Variants in FER1L6 observed in about 807,000 individuals in gnomAD.
FER1L6 encodes fer-1-like protein 6.
FER1L6 carries 177 observed loss-of-function variants against 219.2 expected under a neutral mutation model. That is an observed-to-expected ratio of 0.81 (90% CI 0.71 to 0.91). The LOEUF (loss-of-function observed/expected upper bound fraction) is 0.91. Among genes scored for constraint, FER1L6 ranks in the 40% least tolerant of loss-of-function variants. FER1L6 has a pLI of 0.00. For synonymous variants in FER1L6, 768 were observed against 824.3 expected, an observed-to-expected ratio of 0.93 and a Z score of 1.17; for missense variants, 2,153 against 2,259.9, an observed-to-expected ratio of 0.95 and a Z score of 0.96.
At chr8:123,966,895 C>T (rs1434424714) in intron 5 of FER1L6, among the ~76,000 whole-genome samples, 1 of 152,074 alleles carries the variant, frequency 6.6e-6, no homozygotes, top group African/African-American at 2.4e-5. Flanking sequence ...TCCTGGCTAA[C>T]ATGGTGAAAC....
At chr8:124,025,266 A>G (rs190000665) in intron 18 of FER1L6, among the ~76,000 whole-genome samples, 1 of 152,052 alleles carries the variant, frequency 6.6e-6, no homozygotes, top group East Asian at 1.9e-4. Flanking sequence ...CTTTGCCAGA[A>G]GAGTTTTTTT....
At chr8:123,867,399 A>G (rs1261182055) in intron 1 of FER1L6, among the ~76,000 whole-genome samples, 5 of 152,178 alleles carry the variant, frequency 3.3e-5, no homozygotes, top group Admixed American at 6.5e-5. Context: ...CTATGGCCAC[A>G]TATTTTAACC....
At chr8:124,002,525 A>G (rs985540406) in intron 12 of FER1L6, among the ~76,000 whole-genome samples, 3 of 152,228 alleles carry the variant, frequency 2.0e-5, no homozygotes, top group Non-Finnish European at 4.4e-5. Context: ...AATCTTTTAA[A>G]GCATTTGAAA....
Position 123,980,584 on chromosome 8 carries a change from G to A in FER1L6, c.1183G>A (p.Gly395Ser), listed in dbSNP as rs1340145911. Residue 395 changes from glycine to serine, a missense_variant, in exon 11 of 41, where the codon GGC (glycine) becomes AGC (serine). By Grantham distance (56) the Gly-to-Ser change is moderately conservative. Transcript: ENST00000522917. ...EGFGEGVSFRGRILVEIAVEI... is the reference protein window; with the variant it reads ...EGFGEGVSFRSRILVEIAVEI... ...CTTTGGGGAAGGTGTGTCATTCAGGGGCAGAATCTTGGTAGAAATTGCTGT... is the reference window on the plus strand; with the variant it reads ...CTTTGGGGAAGGTGTGTCATTCAGGAGCAGAATCTTGGTAGAAATTGCTGT... 6.2e-7 allele frequency: 1 copy of A among 1,613,994 alleles called. No homozygotes were observed. The highest frequency in any genetic ancestry group is 8.5e-7 in the Non-Finnish European group (1 of 1,180,012).
intron 1 of FER1L6, among the ~76,000 whole-genome samples, chr8:123,859,929 C>T (rs1231073274): frequency 4.1e-5 from 6 of 146,678 alleles, no homozygotes; most frequent in African/African-American, 1.5e-4. Context: ...ATATGTGCCA[C>T]ATTTTATTTA....
chr8:123,856,316 G>GTGTGTGTGTGTATATATATATA (rs71576706), intron 1 of FER1L6, among the ~76,000 whole-genome samples: 4 of 45,112 alleles, frequency 8.9e-5, no homozygotes, highest in African/African-American at 2.6e-4. Context: ...ATATGTATGT[G>GTGTGTGTGTGTATATATATATA]TATATATATA....
chr8:124,060,214 T>C lies in FER1L6; in HGVS notation c.2909T>C (p.Val970Ala). Residue 970 changes from valine (V) to alanine (A), a missense_variant, in exon 23 of 41, where the codon GTT becomes GCT. Transcript: ENST00000522917. ...TCTGGGCTGCAAGGCCTCCCACCCG[T>C]TGAGCCACCAGACATCACCCAGATC... Reference protein sequence around the residue: ...PPSGLQGLPPVEPPDITQIYP... With the variant: ...PPSGLQGLPPAEPPDITQIYP... 5 of 1,613,944 alleles carry C rather than the reference T, an allele frequency of 3.1e-6. No individual in the cohort carries two copies. The highest frequency in any genetic ancestry group is 1.3e-5 in the African/African-American group (1 of 74,972).
At chr8:123,933,370 ATGTGTGTCTGTGTGTG>A (rs975923130) in intron 1 of FER1L6, among the ~76,000 whole-genome samples, 2 of 132,538 alleles carry the variant, frequency 1.5e-5, no homozygotes, top group African/African-American at 2.7e-5. Flanking sequence ...ATCATAGCAT[ATGTGTGTCTGTGTGTG>A]TGTGTGTGTG....
intron 28 of FER1L6, among the ~76,000 whole-genome samples, chr8:124,068,789 AT>A (rs1820936117): frequency 6.6e-6 from 1 of 152,016 alleles, no homozygotes; most frequent in South Asian, 2.1e-4. Context: ...CCCTATTCCT[AT>A]TGCTCAGCCC....
intron 21 of FER1L6, among the ~76,000 whole-genome samples, chr8:124,047,388 T>A (rs1819784384): frequency 6.6e-6 from 1 of 152,268 alleles, no homozygotes; most frequent in Non-Finnish European, 1.5e-5. Flanking sequence ...GAATGTTGTA[T>A]AGGCTTTGCA....
Position 124,103,291 on chromosome 8 carries a change from T to C in FER1L6, c.5271T>C (p.Ser1757=). Residue 1757 remains serine, a synonymous_variant, in exon 39 of 41, where the codon TCT becomes TCC. Coordinates refer to ENST00000522917, the MANE Select transcript of FER1L6 (RefSeq NM_001039112.2). ...QKRVRGWWPF[S]KSKELTGKVE... Reference sequence around the variant, plus strand: ...GTGTGCGTGGCTGGTGGCCTTTTTCTAAAAGCAAAGAACTCACAGTAAGTG... The same window carrying C: ...GTGTGCGTGGCTGGTGGCCTTTTTCCAAAAGCAAAGAACTCACAGTAAGTG... 6.2e-7 allele frequency: 1 copy of C among 1,613,938 alleles called. No homozygotes were observed. Among genetic ancestry groups the C allele is most frequent in the Non-Finnish European group, 8.5e-7 (1 of 1,179,932 alleles).
At chr8:124,109,255 C>T (rs1822913929) in intron 39 of FER1L6, among the ~76,000 whole-genome samples, 1 of 152,172 alleles carries the variant, frequency 6.6e-6, no homozygotes, top group Non-Finnish European at 1.5e-5. Context: ...TTGGTTCAAT[C>T]AGGTATGACG....
At chr8:124,030,626 C>A (rs1818917491) in intron 18 of FER1L6, among the ~76,000 whole-genome samples, 1 of 152,132 alleles carries the variant, frequency 6.6e-6, no homozygotes, top group Non-Finnish European at 1.5e-5. Context: ...CTCCTCACTC[C>A]CATCGCCATC....
At chr8:123,970,605 A>G (rs1815760838) in intron 6 of FER1L6, among the ~76,000 whole-genome samples, 1 of 152,166 alleles carries the variant, frequency 6.6e-6, no homozygotes, top group Admixed American at 6.6e-5. Context: ...GATTTGGACT[A>G]AGTGGTGGCC....
intron 21 of FER1L6, chr8:124,046,493 T>A (rs543011553): frequency 6.6e-6 from 1 of 152,352 alleles, no homozygotes; most frequent in East Asian, 1.9e-4. Flanking sequence ...TACTGGAGGA[T>A]TTTTTTAACT....
intron 15 of FER1L6, chr8:124,014,345 G>A (rs145854241): frequency 1.3e-5 from 2 of 152,624 alleles, no homozygotes; most frequent in African/African-American, 2.4e-5. Context: ...TTTATACAAA[G>A]TCCCCCAGGT....
intron 9 of FER1L6, among the ~76,000 whole-genome samples, chr8:123,976,299 A>T (rs1375794574): frequency 6.6e-6 from 1 of 152,160 alleles, no homozygotes; most frequent in Non-Finnish European, 1.5e-5. Flanking sequence ...CCAGGAGCTC[A>T]AGACCAGCCT....
chr8:124,062,301 T>C (rs73328395), intron 25 of FER1L6, among the ~76,000 whole-genome samples: 2,816 of 152,310 alleles, frequency 0.018, 77 homozygotes, highest in African/African-American at 0.061. Flanking sequence ...CTTGGCTCTG[T>C]GCTTGATGTT....
chr8:123,910,580 CT>C (rs961558638), intron 1 of FER1L6, among the ~76,000 whole-genome samples: 45 of 151,264 alleles, frequency 3.0e-4, no homozygotes, highest in Non-Finnish European at 4.7e-4. Flanking sequence ...TGAGTTAGCT[CT>C]TTTTTTTTGC....
Sources: gnomAD v4.1 joint callset for allele counts (sites outside exome capture counted in the v4.1 genomes callset) on GRCh38, gnomAD v4.1.1 for gene constraint, MANE v1.5 for transcripts, NCBI Gene and HGNC (gene_info 2026-07-23, HGNC 2026-07-21) for gene names.